The following HOMER1 variants were observed in gnomAD, a reference collection of about 807,000 sequenced individuals.
The protein encoded by HOMER1 is homer protein homolog 1.
In HOMER1, 3 loss-of-function variants were observed where a neutral mutation model predicts 48.9. That is an observed-to-expected ratio of 0.06 (90% CI 0.03 to 0.16). The LOEUF (loss-of-function observed/expected upper bound fraction) is 0.16, where lower values mean the gene tolerates loss of function less well. HOMER1 is among the 10% of genes least tolerant of loss of function. The pLI, the probability that HOMER1 is intolerant of heterozygous loss-of-function variation, is 1.00. For missense variants in HOMER1, 247 were observed against 411.4 expected, an observed-to-expected ratio of 0.60 and a Z score of 3.46; for synonymous variants, 134 against 146.4, an observed-to-expected ratio of 0.92 and a Z score of 0.61.
intron 5 of HOMER1, among the ~76,000 whole-genome samples, chr5:79,426,757 A>G (rs4624777): frequency 0.27 from 41,028 of 151,832 alleles, 6,755 homozygotes; most frequent in East Asian, 0.75. Context: ...AGTTAACAAT[A>G]ATTTATTATA....
intron 1 of HOMER1, among the ~76,000 whole-genome samples, chr5:79,503,162 CA>C (rs1752652013): frequency 6.6e-6 from 1 of 152,122 alleles, no homozygotes; most frequent in South Asian, 2.1e-4. Context: ...ATAACGTAGT[CA>C]ATTAACACAT....
intron 1 of HOMER1, among the ~76,000 whole-genome samples, chr5:79,485,404 T>A (rs185622740): frequency 6.6e-6 from 1 of 152,316 alleles, no homozygotes; most frequent in East Asian, 1.9e-4. Context: ...CTTCATCGCA[T>A]CCTCACCCTA....
intron 5 of HOMER1, among the ~76,000 whole-genome samples, chr5:79,422,564 T>C (rs1468268560): frequency 6.6e-6 from 1 of 151,280 alleles, no homozygotes; most frequent in African/African-American, 2.4e-5. Flanking sequence ...TTTTTCTTCC[T>C]GAAAAAGCAG....
At chr5:79,471,877 G>A (rs1018244872) in intron 1 of HOMER1, among the ~76,000 whole-genome samples, 2 of 152,148 alleles carry the variant, frequency 1.3e-5, no homozygotes, top group African/African-American at 4.8e-5. Context: ...TTTTCCTTCA[G>A]GTCTGCCCAG....
At chr5:79,487,924 TACAG>T (rs776567451) in intron 1 of HOMER1, among the ~76,000 whole-genome samples, 19 of 152,140 alleles carry the variant, frequency 1.2e-4, no homozygotes, top group Non-Finnish European at 2.6e-4. Flanking sequence ...GTGCAGGCAG[TACAG>T]ACAAAACAAT....
At chr5:79,450,323 T>G (rs1306206951) in intron 3 of HOMER1, among the ~76,000 whole-genome samples, 2 of 152,254 alleles carry the variant, frequency 1.3e-5, no homozygotes, top group Non-Finnish European at 2.9e-5. Flanking sequence ...TATTCTTTTC[T>G]GTGTAACATC....
intron 1 of HOMER1, among the ~76,000 whole-genome samples, chr5:79,473,175 C>A (rs6880986): frequency 0.62 from 94,556 of 152,134 alleles, 32,536 homozygotes; most frequent in East Asian, 0.99. Context: ...AATAATAGCC[C>A]AACCAAATGA....
intron 5 of HOMER1, among the ~76,000 whole-genome samples, chr5:79,432,633 TGAA>T: frequency 6.6e-6 from 1 of 152,284 alleles, no homozygotes; most frequent in South Asian, 2.1e-4. Flanking sequence ...CTTTAGAGAA[TGAA>T]GGTCAGTTCT....
intron 5 of HOMER1, among the ~76,000 whole-genome samples, chr5:79,431,684 A>C (rs1361400216): frequency 6.6e-6 from 1 of 152,204 alleles, no homozygotes; most frequent in African/African-American, 2.4e-5. Context: ...CAAAATTAAC[A>C]ATTTTGTCAA....
chr5:79,418,593 T>C lies in HOMER1; in HGVS notation c.528-16538A>G, dbSNP rs140264122. On this transcript the variant is annotated intron_variant, in intron 5 of 8. Coordinates refer to ENST00000334082, the MANE Select transcript of HOMER1 (RefSeq NM_004272.5). ...ACACCCTCTTTTGTAATCTGTGACTTTGAAAGAATTTTTCTTTGTATGACA... is the reference window on the plus strand; with the variant it reads ...ACACCCTCTTTTGTAATCTGTGACTCTGAAAGAATTTTTCTTTGTATGACA... Among the ~76,000 whole-genome samples, 68 of 152,356 alleles carry C rather than the reference T, an allele frequency of 4.5e-4. No individual in the cohort carries two copies. The East Asian group carries it at 0.012, about 28-fold the overall frequency.
chr5:79,498,006 C>G (rs182924240), intron 1 of HOMER1, among the ~76,000 whole-genome samples: 5 of 152,302 alleles, frequency 3.3e-5, no homozygotes, highest in Admixed American at 2.0e-4. Context: ...CGAGGTGATT[C>G]TGATGCAGGT....
At chr5:79,387,280 C>G (rs911517958) in intron 8 of HOMER1, among the ~76,000 whole-genome samples, 1 of 151,936 alleles carries the variant, frequency 6.6e-6, no homozygotes, top group Admixed American at 6.6e-5. Context: ...GTGCACATCA[C>G]CATGCCCAGC....
intron 5 of HOMER1, among the ~76,000 whole-genome samples, chr5:79,438,682 T>C (rs920521118): frequency 2.0e-5 from 3 of 152,152 alleles, no homozygotes; most frequent in African/African-American, 7.2e-5. Context: ...AGGAGGCCTT[T>C]TAGAGGCTAT....
intron 4 of HOMER1, among the ~76,000 whole-genome samples, chr5:79,440,542 T>G (rs907402447): frequency 6.6e-6 from 1 of 152,212 alleles, no homozygotes; most frequent in African/African-American, 2.4e-5. Context: ...GCTGTTTCCT[T>G]TAGCTGACAG....
At chr5:79,472,959 T>G (rs1751664406) in intron 1 of HOMER1, among the ~76,000 whole-genome samples, 2 of 152,158 alleles carry the variant, frequency 1.3e-5, no homozygotes, top group Admixed American at 6.5e-5. Context: ...ATCTCTGCAG[T>G]ATAGTTATTC....
At chr5:79,402,397 G>C (rs1209829469) in intron 5 of HOMER1, among the ~76,000 whole-genome samples, 1 of 152,036 alleles carries the variant, frequency 6.6e-6, no homozygotes, top group Non-Finnish European at 1.5e-5. Flanking sequence ...TTGAACTCCT[G>C]ACCTCAGGTG....
chr5:79,504,306 C>T (rs1290520298), intron 1 of HOMER1, among the ~76,000 whole-genome samples: 3 of 149,852 alleles, frequency 2.0e-5, no homozygotes, highest in Non-Finnish European at 4.4e-5. Flanking sequence ...TGGGAGCTGG[C>T]AGAGTGATTA....
chr5:79,478,549 T>A (rs2112337443), intron 1 of HOMER1, among the ~76,000 whole-genome samples: 1 of 150,926 alleles, frequency 6.6e-6, no homozygotes, highest in Non-Finnish European at 1.5e-5. Flanking sequence ...AATAAATAAA[T>A]AAAATACTAA....
intron 5 of HOMER1, among the ~76,000 whole-genome samples, chr5:79,430,570 AACAGC>A (rs1750394549): frequency 1.3e-5 from 2 of 152,256 alleles, no homozygotes; most frequent in Admixed American, 6.5e-5. Context: ...AAATGTTTAT[AACAGC>A]ATTATTCATA....
Sources: allele counts gnomAD v4.1 joint callset (sites outside exome capture counted in the v4.1 genomes callset), GRCh38; gene constraint gnomAD v4.1.1; transcripts MANE v1.5; gene names NCBI Gene and HGNC (gene_info 2026-07-23, HGNC 2026-07-21).